Variants in DNAAF6 observed in about 807,000 individuals in gnomAD.
DNAAF6 encodes the protein PIH1 domain containing 3.
Under a neutral mutation model 13.7 loss-of-function variants are expected in DNAAF6, and 3 were observed. That is an observed-to-expected ratio of 0.22 (90% CI 0.10 to 0.56). The LOEUF is 0.56. Among genes scored for constraint, DNAAF6 ranks in the 20% least tolerant of loss-of-function variants. DNAAF6 has a pLI of 0.92. For synonymous variants in DNAAF6, 54 were observed against 49.2 expected (o/e 1.10, Z -0.41); for missense variants, 130 against 151.0 (o/e 0.86, Z 0.73).
chrX:107,238,828 T>TGGGC, intron 5 of DNAAF6, 94 bp from the exon 6 acceptor site: 2 of 1,134,443 alleles, frequency 1.8e-6, no homozygotes, highest in Non-Finnish European at 2.3e-6. Flanking sequence ...TAGTTGACAA[T>TGGGC]AAATATTAGT....
chrX:107,238,765 T>C (rs1463486431), intron 5 of DNAAF6, among the ~76,000 whole-genome samples, 157 bp from the exon 6 acceptor site: 2 of 112,022 alleles, frequency 1.8e-5, no homozygotes, highest in Admixed American at 9.5e-5. Flanking sequence ...AAAATGGGGA[T>C]AATAATCTCT....
intron 5 of DNAAF6, among the ~76,000 whole-genome samples, chrX:107,223,232 C>T (rs764398056): frequency 9.0e-6 from 1 of 111,501 alleles, no homozygotes; most frequent in East Asian, 2.8e-4. Flanking sequence ...TCTCCTTCCC[C>T]GCATCTGTCT....
intron 1 of DNAAF6, among the ~76,000 whole-genome samples, chrX:107,209,271 T>TA (rs60973577): frequency 1.8e-5 from 2 of 110,071 alleles, no homozygotes; most frequent in Non-Finnish European, 3.8e-5. Context: ...AAAGCTGATT[T>TA]AAAAAAAATA....
rs183788387 is a variant in DNAAF6 at position 107,211,867 on chromosome X, A to G, written c.-3-1006A>G. Among the ~76,000 whole-genome samples, 296 of 111,828 alleles carry G rather than the reference A, an allele frequency of 2.6e-3. 3 individuals are homozygous for G. The highest frequency in any genetic ancestry group is 8.9e-3 in the African/African-American group (276 of 30,875). On this transcript the variant is annotated intron_variant, in intron 1 of 6. Coordinates refer to ENST00000372453, the MANE Select transcript of DNAAF6 (RefSeq NM_173494.2). ...CCATAATGATACCATAATGATACCT[A>G]TTTTCTTGGTGATACATATGAAGGC...
chrX:107,233,102 G>T (rs1268998185), intron 5 of DNAAF6, among the ~76,000 whole-genome samples: 1 of 111,404 alleles, frequency 9.0e-6, no homozygotes, highest in Non-Finnish European at 1.9e-5. Flanking sequence ...GGTAATCTTA[G>T]AAATATCAAT....
chrX:107,220,943 CTTTCTTTCTTT>C, intron 4 of DNAAF6, among the ~76,000 whole-genome samples: 1 of 48,597 alleles, frequency 2.1e-5, no homozygotes, highest in Non-Finnish European at 4.2e-5. Context: ...TTCTTTCTTT[CTTTCTTTCTTT>C]CTTTTTCTTT....
At chrX:107,233,274 A>G (rs1928450018) in intron 5 of DNAAF6, among the ~76,000 whole-genome samples, 1 of 111,704 alleles carries the variant, frequency 9.0e-6, no homozygotes, top group East Asian at 2.8e-4. Context: ...ACATATTCTC[A>G]GTAAAGTGAT....
chrX:107,216,225 T>G (rs1342792066), intron 2 of DNAAF6, among the ~76,000 whole-genome samples: 1 of 111,996 alleles, frequency 8.9e-6, no homozygotes, highest in African/African-American at 3.2e-5. Flanking sequence ...TCTGAATACT[T>G]AGCTTCTGCT....
intron 4 of DNAAF6, among the ~76,000 whole-genome samples, chrX:107,221,090 G>A (rs781514958): frequency 4.6e-5 from 5 of 109,371 alleles, no homozygotes; most frequent in Non-Finnish European, 9.5e-5. Flanking sequence ...TCCTGCCTCA[G>A]CCTCACAAGT....
At chrX:107,233,298 CTAAT>C (rs761464686) in intron 5 of DNAAF6, among the ~76,000 whole-genome samples, 1 of 111,302 alleles carries the variant, frequency 9.0e-6, no homozygotes, top group South Asian at 3.9e-4. Flanking sequence ...TACAGTCAAG[CTAAT>C]TAATGTATTT....
chrX:107,230,131 A>G (rs992591648), intron 5 of DNAAF6, among the ~76,000 whole-genome samples: 16 of 112,150 alleles, frequency 1.4e-4, no homozygotes, highest in Non-Finnish European at 2.8e-4. Context: ...CAGTTGCTCA[A>G]GCTAAAAACC....
At chrX:107,214,517 G>A (rs919225738) in intron 2 of DNAAF6, among the ~76,000 whole-genome samples, 11 of 110,981 alleles carry the variant, frequency 9.9e-5, no homozygotes, top group African/African-American at 3.6e-4. Flanking sequence ...GTGTTTCTAG[G>A]AGAAAAGATG....
chrX:107,207,924 CAA>C (rs1199590119), intron 1 of DNAAF6, among the ~76,000 whole-genome samples: 11 of 110,175 alleles, frequency 1.0e-4, no homozygotes, highest in Admixed American at 8.6e-4. Context: ...GTCTCAAAAA[CAA>C]AAGAGTTCTC....
chrX:107,227,284 G>T (rs1475807923), intron 5 of DNAAF6, among the ~76,000 whole-genome samples: 1 of 110,914 alleles, frequency 9.0e-6, no homozygotes, highest in Non-Finnish European at 1.9e-5. Context: ...TAGAGATGGG[G>T]TTTCACCATG....
intron 6 of DNAAF6, among the ~76,000 whole-genome samples, chrX:107,240,820 T>A (rs934297054): frequency 5.4e-4 from 60 of 111,733 alleles, no homozygotes; most frequent in African/African-American, 1.8e-3. Flanking sequence ...CTAAGTGAAT[T>A]CTAAGAATTT....
At chrX:107,207,075 A>G (rs1204274730) in intron 1 of DNAAF6, 2 of 111,716 alleles carry the variant, frequency 1.8e-5, no homozygotes, top group Non-Finnish European at 3.8e-5. Context: ...AATGTAAACC[A>G]TATTTTCTTA....
At chrX:107,229,125 C>CTTTTTTTT (rs1569375032) in intron 5 of DNAAF6, among the ~76,000 whole-genome samples, 1 of 57,799 alleles carries the variant, frequency 1.7e-5, no homozygotes, top group African/African-American at 1.3e-4. Context: ...CTGTTGACTA[C>CTTTTTTTT]TCTTTTTTTT....
Position 107,244,052 on chromosome X carries a change from G to A in DNAAF6, c.*754G>A, listed in dbSNP as rs1928678486. On this transcript the variant is annotated 3_prime_UTR_variant, in exon 7 of 7. Transcript: ENST00000372453. Reference sequence around the variant, plus strand: ...CCATACTATCAACATATTTACTTGAGTAAGGAACACTTTTGTGCGTACAGT... The same window carrying A: ...CCATACTATCAACATATTTACTTGAATAAGGAACACTTTTGTGCGTACAGT... 1 of 112,693 alleles carries A rather than the reference G, an allele frequency of 8.9e-6. No individual in the cohort carries two copies. Among genetic ancestry groups the A allele is most frequent in the African/African-American group, 3.2e-5 (1 of 30,959 alleles). 9.3% of individuals were successfully genotyped at this position (112,693 alleles called of 1,213,427 possible).
intron 1 of DNAAF6, among the ~76,000 whole-genome samples, chrX:107,208,982 CTTATGAGTTAG>C (rs1158216801): frequency 8.9e-6 from 1 of 111,777 alleles, no homozygotes; most frequent in Non-Finnish European, 1.9e-5. Flanking sequence ...CCCATAGTTA[CTTATGAGTTAG>C]TACATTTGAT....
Sources: allele counts gnomAD v4.1 joint callset (sites outside exome capture counted in the v4.1 genomes callset), GRCh38; gene constraint gnomAD v4.1.1; transcripts MANE v1.5; gene names NCBI Gene and HGNC (gene_info 2026-07-23, HGNC 2026-07-21).